Variants in MACROD2 observed in about 807,000 individuals in gnomAD.
The protein encoded by MACROD2 is ADP-ribose glycohydrolase MACROD2.
A neutral mutation model predicts 70.4 loss-of-function variants in MACROD2; 36 were observed. The observed-to-expected ratio is 0.51, with a 90% CI of 0.39 to 0.68. The LOEUF (loss-of-function observed/expected upper bound fraction) is 0.68, where lower values mean the gene tolerates loss of function less well. Among genes scored for constraint, MACROD2 ranks in the 30% least tolerant of loss-of-function variants. The pLI, the probability that MACROD2 is intolerant of heterozygous loss-of-function variation, is 0.00. For missense variants in MACROD2, 496 were observed against 538.4 expected (o/e 0.92, Z 0.78); for synonymous variants, 172 against 178.8 (o/e 0.96, Z 0.30).
chr20:15,554,499 C>T (rs1371173875), intron 8 of MACROD2, among the ~76,000 whole-genome samples: 2 of 147,902 alleles, frequency 1.4e-5, no homozygotes, highest in Non-Finnish European at 3.0e-5. Context: ...AAATAAGTTT[C>T]ATATTTTTGG....
At chr20:15,001,705 G>GT (rs886248133) in intron 5 of MACROD2, among the ~76,000 whole-genome samples, 217 of 150,066 alleles carry the variant, frequency 1.4e-3, no homozygotes, top group African/African-American at 4.1e-3. Context: ...CTTATTTTTT[G>GT]TTTTTTTTTA....
chr20:14,898,571 A>T (rs1193939115), intron 5 of MACROD2, among the ~76,000 whole-genome samples: 1 of 152,166 alleles, frequency 6.6e-6, no homozygotes, highest in Non-Finnish European at 1.5e-5. Context: ...TACAAAAATT[A>T]CAAAATTATG....
chr20:16,021,970 G>T (rs114379471), intron 15 of MACROD2, among the ~76,000 whole-genome samples: 170 of 151,532 alleles, frequency 1.1e-3, no homozygotes, highest in African/African-American at 4.0e-3. Context: ...ATTCTGTCCA[G>T]AATTATGGGT....
intron 5 of MACROD2, among the ~76,000 whole-genome samples, chr20:15,115,545 T>G (rs1024754402): frequency 6.6e-6 from 1 of 152,076 alleles, no homozygotes; most frequent in Non-Finnish European, 1.5e-5. Context: ...TTCTAAAAGA[T>G]TTTTCTCATC....
Position 14,264,119 on chromosome 20 carries a change from A to G in MACROD2, c.271+178391A>G, listed in dbSNP as rs536315895. ...GGTTGAAGGAACCGAGCAGGCATATATAATACACAATGCAATTTGGCTGAT... is the reference window on the plus strand; with the variant it reads ...GGTTGAAGGAACCGAGCAGGCATATGTAATACACAATGCAATTTGGCTGAT... On this transcript the variant is annotated intron_variant, in intron 3 of 17. Transcript: ENST00000684519. Among the ~76,000 whole-genome samples the G allele has an allele frequency of 7.2e-5, 11 of 152,210 alleles. 1 individual carries two copies. In the South Asian group the frequency reaches 8.3e-4, roughly 12 times the overall value.
chr20:15,164,294 A>C (rs2076368231), intron 5 of MACROD2, among the ~76,000 whole-genome samples: 1 of 152,312 alleles, frequency 6.6e-6, no homozygotes, highest in East Asian at 1.9e-4. Context: ...GAGACGATTT[A>C]AAGTATACAG....
At chr20:15,178,828 C>A (rs1214707217) in intron 5 of MACROD2, among the ~76,000 whole-genome samples, 1 of 152,178 alleles carries the variant, frequency 6.6e-6, no homozygotes, top group African/African-American at 2.4e-5. Flanking sequence ...TGGAAAGCAG[C>A]TCATCTGGGT....
chr20:14,461,802 A>G (rs987778068), intron 3 of MACROD2, among the ~76,000 whole-genome samples: 3 of 151,930 alleles, frequency 2.0e-5, no homozygotes, highest in Admixed American at 2.0e-4. Context: ...GAGGGTTTCC[A>G]GCTTCATCCA....
intron 3 of MACROD2, among the ~76,000 whole-genome samples, chr20:14,261,138 T>G (rs2423779): frequency 0.65 from 99,111 of 152,088 alleles, 33,494 homozygotes; most frequent in Non-Finnish European, 0.75. Flanking sequence ...TTGGAGTCCT[T>G]CCAAGTGTTT....
chr20:14,269,367 A>C (rs2082171264), intron 3 of MACROD2, among the ~76,000 whole-genome samples: 1 of 152,176 alleles, frequency 6.6e-6, no homozygotes, highest in Admixed American at 6.5e-5. Flanking sequence ...TCAGAATTGA[A>C]ATGTTTTGAT....
At chr20:15,001,595 A>T (rs992514653) in intron 5 of MACROD2, among the ~76,000 whole-genome samples, 2 of 152,164 alleles carry the variant, frequency 1.3e-5, no homozygotes, top group African/African-American at 4.8e-5. Context: ...TTTCCGTTTG[A>T]CTAAATCAAT....
chr20:15,936,671 G>GTATATATATATATATATATATATA (rs10626103), intron 11 of MACROD2, among the ~76,000 whole-genome samples: 1,649 of 142,756 alleles, frequency 0.012, 19 homozygotes, highest in African/African-American at 0.029. Flanking sequence ...GTATATGTGT[G>GTATATATATATATATATATATATA]TATATATATA....
chr20:14,238,391 G>T (rs974339112), intron 3 of MACROD2, among the ~76,000 whole-genome samples: 2 of 152,022 alleles, frequency 1.3e-5, no homozygotes, highest in Admixed American at 1.3e-4. Context: ...CACACCAGGC[G>T]TTGAAGGAAC....
At chr20:15,791,366 G>A (rs1276622717) in intron 8 of MACROD2, among the ~76,000 whole-genome samples, 7 of 151,682 alleles carry the variant, frequency 4.6e-5, no homozygotes, top group African/African-American at 1.7e-4. Flanking sequence ...GGTTGACCAA[G>A]GTAGGCCATG....
At chr20:14,501,565 T>G (rs1004179138) in intron 4 of MACROD2, among the ~76,000 whole-genome samples, 1 of 152,108 alleles carries the variant, frequency 6.6e-6, no homozygotes, top group Non-Finnish European at 1.5e-5. Flanking sequence ...ATTTTACTTT[T>G]GATTTTTAGA....
chr20:15,404,125 A>G (rs2045966395), intron 6 of MACROD2, among the ~76,000 whole-genome samples: 1 of 152,182 alleles, frequency 6.6e-6, no homozygotes, highest in Admixed American at 6.5e-5. Flanking sequence ...GAGTACATAG[A>G]TGGGCTGTAG....
chr20:15,032,138 G>T (rs917134294), intron 5 of MACROD2, among the ~76,000 whole-genome samples: 1 of 152,232 alleles, frequency 6.6e-6, no homozygotes, highest in African/African-American at 2.4e-5. Flanking sequence ...GGCACTGGGA[G>T]TGAGGAGAGG....
chr20:15,227,836 T>TTTTGTTG (rs2076922991), intron 5 of MACROD2, among the ~76,000 whole-genome samples: 1 of 124,618 alleles, frequency 8.0e-6, no homozygotes, highest in African/African-American at 3.2e-5. Context: ...TTTTTTTTTT[T>TTTTGTTG]TTTTTTTTTT....
chr20:14,634,746 G>A (rs1984693513), intron 4 of MACROD2, among the ~76,000 whole-genome samples: 1 of 152,114 alleles, frequency 6.6e-6, no homozygotes, highest in South Asian at 2.1e-4. Flanking sequence ...ATCCAAAATA[G>A]GCATAGCATG....
Sources: allele counts gnomAD v4.1 joint callset (sites outside exome capture counted in the v4.1 genomes callset), GRCh38; gene constraint gnomAD v4.1.1; transcripts MANE v1.5; gene names NCBI Gene and HGNC (gene_info 2026-07-23, HGNC 2026-07-21).